FAM168A: variants seen among roughly 807,000 people sequenced by gnomAD.
FAM168A encodes protein FAM168A.
FAM168A carries 3 observed loss-of-function variants against 28.5 expected under a neutral mutation model. The ratio of observed to expected loss-of-function variants is 0.11; its 90% confidence interval spans 0.05 to 0.27. FAM168A has a LOEUF of 0.27. Ranked by LOEUF, FAM168A falls within the 10% of genes least tolerant of loss-of-function variation. The pLI is 1.00. For synonymous variants in FAM168A, 122 were observed against 124.2 expected, an observed-to-expected ratio of 0.98 and a Z score of 0.12; for missense variants, 222 against 311.5, an observed-to-expected ratio of 0.71 and a Z score of 2.16.
At chr11:73,529,066 TCTAA>T (rs1555033004) in intron 1 of FAM168A, among the ~76,000 whole-genome samples, 3 of 152,154 alleles carry the variant, frequency 2.0e-5, no homozygotes, top group Non-Finnish European at 4.4e-5. Context: ...AAGCTCAAGC[TCTAA>T]CTGGCTTATT....
chr11:73,412,965 T>C (rs1035714894), intron 4 of FAM168A, among the ~76,000 whole-genome samples: 3 of 152,238 alleles, frequency 2.0e-5, no homozygotes, highest in African/African-American at 7.2e-5. Context: ...CCCTAATTTT[T>C]CATGACAATT....
At chr11:73,501,097 A>G (rs1590818613) in intron 1 of FAM168A, among the ~76,000 whole-genome samples, 1 of 152,356 alleles carries the variant, frequency 6.6e-6, no homozygotes, top group South Asian at 2.1e-4. Flanking sequence ...AAGACAAAAA[A>G]GGGCATTACA....
At chr11:73,496,044 T>C (rs1181343069) in intron 1 of FAM168A, among the ~76,000 whole-genome samples, 1 of 152,130 alleles carries the variant, frequency 6.6e-6, no homozygotes, top group Non-Finnish European at 1.5e-5. Flanking sequence ...GATGAATGAA[T>C]GGATAAAGAA....
intron 2 of FAM168A, among the ~76,000 whole-genome samples, chr11:73,455,496 A>C (rs1867514711): frequency 6.6e-6 from 1 of 152,210 alleles, no homozygotes; most frequent in African/African-American, 2.4e-5. Context: ...TTATTATGTT[A>C]GGCTTTTGGA....
chr11:73,559,265 G>A (rs1490275783), intron 1 of FAM168A, among the ~76,000 whole-genome samples: 1 of 152,086 alleles, frequency 6.6e-6, no homozygotes, highest in East Asian at 1.9e-4. Flanking sequence ...AAATTAGCTG[G>A]TCATGGTGGC....
At chr11:73,518,330 T>C (rs1304054159) in intron 1 of FAM168A, among the ~76,000 whole-genome samples, 1 of 152,182 alleles carries the variant, frequency 6.6e-6, no homozygotes, top group East Asian at 1.9e-4. Flanking sequence ...AAACCTCATG[T>C]TGAAATTTGA....
chr11:73,522,489 A>G lies in FAM168A; in HGVS notation c.-18-53997T>C, dbSNP rs141711038. Among the ~76,000 whole-genome samples, 1,049 of 151,998 alleles carry G rather than the reference A, an allele frequency of 6.9e-3. 11 individuals carry two copies. The highest frequency in any genetic ancestry group is 0.022 in the African/African-American group (916 of 41,490). Reference sequence around the variant, plus strand: ...GTAGCTGGGACTACAGGTGCCTGCCACCATGCCCAGCTAATTTTTTGTATT... The same window carrying G: ...GTAGCTGGGACTACAGGTGCCTGCCGCCATGCCCAGCTAATTTTTTGTATT... On this transcript the variant is annotated intron_variant, in intron 1 of 7. Transcript: ENST00000356467.
At chr11:73,484,507 G>GAGAGAGAT (rs1243168733) in intron 1 of FAM168A, among the ~76,000 whole-genome samples, 39 of 77,758 alleles carry the variant, frequency 5.0e-4, no homozygotes, top group African/African-American at 2.2e-3. Context: ...AGGAGAGAGA[G>GAGAGAGAT]ATATATATAG....
At chr11:73,582,598 TAA>T (rs1056887380) in intron 1 of FAM168A, among the ~76,000 whole-genome samples, 1 of 151,552 alleles carries the variant, frequency 6.6e-6, no homozygotes, top group African/African-American at 2.4e-5. Context: ...ATCAAATAGT[TAA>T]GTCAAGTCTT....
intron 1 of FAM168A, among the ~76,000 whole-genome samples, chr11:73,512,552 G>A (rs1184606073): frequency 2.0e-5 from 3 of 151,672 alleles, no homozygotes; most frequent in Non-Finnish European, 4.4e-5. Context: ...GGGGGATAAG[G>A]GTGGATTTTA....
chr11:73,502,101 GAA>G (rs374810262), intron 1 of FAM168A, among the ~76,000 whole-genome samples: 8 of 56,520 alleles, frequency 1.4e-4, no homozygotes, highest in South Asian at 1.1e-3. Flanking sequence ...GCTTTGTCTC[GAA>G]AAAAAAAAAA....
intron 2 of FAM168A, among the ~76,000 whole-genome samples, chr11:73,433,403 A>AT (rs1465316780): frequency 6.6e-6 from 1 of 150,568 alleles, no homozygotes; most frequent in Non-Finnish European, 1.5e-5. Flanking sequence ...CAATTTACCT[A>AT]TTTTTTTCTT....
At chr11:73,511,390 C>T (rs975611008) in intron 1 of FAM168A, among the ~76,000 whole-genome samples, 1 of 152,076 alleles carries the variant, frequency 6.6e-6, no homozygotes, top group African/African-American at 2.4e-5. Context: ...GCACCGGCCA[C>T]TACGCCCGGC....
At chr11:73,587,901 C>G (rs189324419) in intron 1 of FAM168A, among the ~76,000 whole-genome samples, 14 of 152,126 alleles carry the variant, frequency 9.2e-5, no homozygotes, top group African/African-American at 3.1e-4. Flanking sequence ...AGGTGTGTGC[C>G]ACCACGCCCA....
chr11:73,440,646 A>G (rs1052343823), intron 2 of FAM168A, among the ~76,000 whole-genome samples: 5 of 152,230 alleles, frequency 3.3e-5, no homozygotes, highest in African/African-American at 4.8e-5. Context: ...GAAAAAGGAA[A>G]AAAAAGAAAA....
At chr11:73,469,721 G>C (rs752008020) in intron 1 of FAM168A, among the ~76,000 whole-genome samples, 5 of 151,950 alleles carry the variant, frequency 3.3e-5, no homozygotes, top group Non-Finnish European at 7.4e-5. Context: ...ACTGAAACTA[G>C]AACAACTTGA....
chr11:73,523,877 T>TG (rs56949768), intron 1 of FAM168A, among the ~76,000 whole-genome samples: 1 of 151,226 alleles, frequency 6.6e-6, no homozygotes, highest in Non-Finnish European at 1.5e-5. Flanking sequence ...TTTTTTTTTT[T>TG]GAAGAGAGAG....
At chr11:73,580,756 T>G (rs1347903636) in intron 1 of FAM168A, among the ~76,000 whole-genome samples, 1 of 152,236 alleles carries the variant, frequency 6.6e-6, no homozygotes, top group African/African-American at 2.4e-5. Context: ...TTTGAGAGAC[T>G]TCCTCTTGGC....
chr11:73,497,241 C>T (rs1051899024), intron 1 of FAM168A, among the ~76,000 whole-genome samples: 1 of 152,006 alleles, frequency 6.6e-6, no homozygotes, highest in African/African-American at 2.4e-5. Context: ...CCCAGACAGG[C>T]AGATCACGAG....
Sources: gnomAD v4.1 joint callset for allele counts (sites outside exome capture counted in the v4.1 genomes callset) on GRCh38, gnomAD v4.1.1 for gene constraint, MANE v1.5 for transcripts, NCBI Gene and HGNC (gene_info 2026-07-23, HGNC 2026-07-21) for gene names.